Variants in STXBP5L observed in about 807,000 individuals in gnomAD.
The protein encoded by STXBP5L is syntaxin binding protein 5L, also known as syntaxin-binding protein 5-like.
Under a neutral mutation model 144.5 loss-of-function variants are expected in STXBP5L, and 65 were observed. The ratio of observed to expected loss-of-function variants is 0.45; its 90% CI spans 0.37 to 0.55. The LOEUF is 0.55. STXBP5L is among the 20% of genes least tolerant of loss of function. The probability of loss-of-function intolerance (pLI) is 0.00; values close to 1 mark genes in which losing one functional copy is unlikely to be tolerated. For synonymous variants in STXBP5L, 505 were observed against 469.6 expected, an observed-to-expected ratio of 1.08 and a Z score of -0.97; for missense variants, 1,298 against 1,405.5, an observed-to-expected ratio of 0.92 and a Z score of 1.22.
At chr3:121,221,354 A>G (rs147085173) in intron 10 of STXBP5L, among the ~76,000 whole-genome samples, 21 of 151,924 alleles carry the variant, frequency 1.4e-4, no homozygotes, top group African/African-American at 5.1e-4. Flanking sequence ...GGGGGGGTAA[A>G]TTGCTCCTTA....
chr3:121,419,397 T>G lies in STXBP5L; in HGVS notation c.*300T>G, dbSNP rs2047312912. On this transcript the variant is annotated 3_prime_UTR_variant, in exon 27 of 27. Coordinates refer to ENST00000471454, the MANE Select transcript of STXBP5L (RefSeq NM_001308330.2). ...GTAACTACGGGGAGTCCTCTTGATT[T>G]GAAAATTCCTGTACAAACAAAAGCA... 4.1e-6 allele frequency: 1 copy of G among 244,294 alleles called. No homozygotes were observed. Among genetic ancestry groups the G allele is most frequent in the Admixed American group, 5.5e-5 (1 of 18,156 alleles). The allele number at this position is 244,294 out of a possible 1,614,324, so 15.1% of individuals were successfully genotyped here.
chr3:121,234,041 C>T (rs1016495899), intron 12 of STXBP5L, among the ~76,000 whole-genome samples: 1 of 152,066 alleles, frequency 6.6e-6, no homozygotes, highest in African/African-American at 2.4e-5. Context: ...AGTATTATTG[C>T]ACTACTGCTG....
intron 3 of STXBP5L, among the ~76,000 whole-genome samples, chr3:120,978,040 A>C (rs373737917): frequency 2.7e-4 from 41 of 152,202 alleles, no homozygotes; most frequent in Non-Finnish European, 5.3e-4. Flanking sequence ...TGCTCTTCTC[A>C]AGGAGGATCT....
At position 120,969,222 on chromosome 3, in the gene STXBP5L, A is replaced by T. The variant is rs547197744; in HGVS notation, c.287+14185A>T. Among the ~76,000 whole-genome samples, 50 of 151,218 alleles carry T rather than the reference A, an allele frequency of 3.3e-4. No homozygotes were observed. The South Asian group carries it at 0.01, about 32-fold the overall frequency. ...ACATCTATTTTTTTTTTTAACTTTT[A>T]ATTTATAGCCATGCTTGCAGGAGTA... is the stretch of plus-strand genomic sequence containing the variant. On this transcript the variant is annotated intron_variant, in intron 3 of 26. Transcript: ENST00000471454.
At chr3:121,277,477 C>CT (rs2050921438) in intron 18 of STXBP5L, among the ~76,000 whole-genome samples, 1 of 151,962 alleles carries the variant, frequency 6.6e-6, no homozygotes, top group Non-Finnish European at 1.5e-5. Flanking sequence ...ATCTCTAAGG[C>CT]TTTTTTATGT....
At chr3:121,398,594 G>A (rs1054343742) in intron 22 of STXBP5L, among the ~76,000 whole-genome samples, 17 of 152,152 alleles carry the variant, frequency 1.1e-4, no homozygotes, top group Middle Eastern at 3.4e-3. Flanking sequence ...CTTATCTGGC[G>A]GCCTGACTTG....
intron 3 of STXBP5L, among the ~76,000 whole-genome samples, chr3:120,975,360 A>T (rs1337108668): frequency 6.6e-6 from 1 of 152,168 alleles, no homozygotes; most frequent in African/African-American, 2.4e-5. Context: ...TTATTGGTGT[A>T]TAAGAATGCT....
rs553086339 is a variant in STXBP5L at position 121,033,530 on chromosome 3, C to G, written c.288-8170C>G. ...GGCACATGTATACATATGTAACTAA[C>G]CTGCACAATGTGAACATGTACCCTA... On this transcript the variant is annotated intron_variant, in intron 3 of 26. Coordinates refer to ENST00000471454, the MANE Select transcript of STXBP5L (RefSeq NM_001308330.2). 2.2e-4 allele frequency among the ~76,000 whole-genome samples: 31 copies of G among 142,038 alleles called. No homozygotes were observed. In the South Asian group the frequency reaches 4.5e-3, roughly 21 times the overall value. 93.2% of individuals were successfully genotyped at this position (142,038 alleles called of 152,430 possible).
intron 3 of STXBP5L, among the ~76,000 whole-genome samples, chr3:120,978,314 C>A (rs1014412275): frequency 1.3e-5 from 2 of 152,186 alleles, no homozygotes; most frequent in Non-Finnish European, 2.9e-5. Flanking sequence ...TTTGCTGATA[C>A]CCTTTCTTCC....
intron 3 of STXBP5L, among the ~76,000 whole-genome samples, chr3:121,007,361 G>T (rs1280968403): frequency 2.6e-5 from 4 of 151,582 alleles, no homozygotes; most frequent in African/African-American, 7.3e-5. Flanking sequence ...TAATAGTTTT[G>T]GCTGGTGTAG....
chr3:121,112,889 C>T (rs2044057521), intron 5 of STXBP5L, among the ~76,000 whole-genome samples: 2 of 152,020 alleles, frequency 1.3e-5, no homozygotes, highest in African/African-American at 4.8e-5. Context: ...TTAGAGCTAG[C>T]AAATATACAG....
chr3:121,047,173 C>G (rs780232141), intron 5 of STXBP5L, among the ~76,000 whole-genome samples: 14 of 151,900 alleles, frequency 9.2e-5, no homozygotes, highest in Admixed American at 2.0e-4. Flanking sequence ...GAGCGATTTT[C>G]TTAGTATTGA....
intron 3 of STXBP5L, among the ~76,000 whole-genome samples, chr3:121,016,103 C>T (rs1055900101): frequency 2.0e-5 from 3 of 152,204 alleles, no homozygotes; most frequent in Non-Finnish European, 4.4e-5. Context: ...TAGCACACAT[C>T]AAGTGCACTT....
chr3:121,091,927 T>C (rs984552045), intron 5 of STXBP5L, among the ~76,000 whole-genome samples: 3 of 152,214 alleles, frequency 2.0e-5, no homozygotes, highest in Non-Finnish European at 4.4e-5. Context: ...TTTAAGTCTT[T>C]AATTCATCTT....
intron 10 of STXBP5L, 44 bp downstream of exon 10, chr3:121,206,045 C>CAA: frequency 4.2e-6 from 5 of 1,181,832 alleles, no homozygotes; most frequent in Non-Finnish European, 4.6e-6. Flanking sequence ...GAAGCAGAGA[C>CAA]AAAAAATGCA....
At chr3:121,331,544 G>A (rs2044321077) in intron 20 of STXBP5L, among the ~76,000 whole-genome samples, 1 of 152,160 alleles carries the variant, frequency 6.6e-6, no homozygotes, top group Non-Finnish European at 1.5e-5. Context: ...TGAAACACTG[G>A]GTGAAGAGTG....
intron 3 of STXBP5L, among the ~76,000 whole-genome samples, chr3:120,969,725 T>TG (rs1182656916): frequency 2.6e-5 from 4 of 152,044 alleles, no homozygotes; most frequent in Non-Finnish European, 4.4e-5. Flanking sequence ...TTGTGTAAAG[T>TG]GAGAGATGGA....
chr3:121,235,040 T>C (rs1339927537), intron 12 of STXBP5L, among the ~76,000 whole-genome samples: 36 of 151,932 alleles, frequency 2.4e-4, no homozygotes, highest in Non-Finnish European at 1.9e-4. Flanking sequence ...TGATAGACTA[T>C]GTATAACATA....
chr3:121,130,162 T>A (rs1340204713), intron 7 of STXBP5L, among the ~76,000 whole-genome samples: 1 of 152,106 alleles, frequency 6.6e-6, no homozygotes, highest in Non-Finnish European at 1.5e-5. Flanking sequence ...TTGGGATGTA[T>A]GATTTTATAG....
Sources: gnomAD v4.1 joint callset for allele counts (sites outside exome capture counted in the v4.1 genomes callset) on GRCh38, gnomAD v4.1.1 for gene constraint, MANE v1.5 for transcripts, NCBI Gene and HGNC (gene_info 2026-07-23, HGNC 2026-07-21) for gene names.